DST: variants seen among roughly 807,000 people sequenced by gnomAD.
The protein encoded by DST is dystonin.
DST carries 253 observed loss-of-function variants against 875.2 expected under a neutral mutation model. That is an observed-to-expected ratio of 0.29 (90% CI 0.26 to 0.32). DST has a LOEUF of 0.32. Among genes scored for constraint, DST ranks in the 10% least tolerant of loss-of-function variants. DST has a pLI of 1.00. For synonymous variants in DST, 3,124 were observed against 3,197.1 expected (o/e 0.98, Z 0.77); for missense variants, 8,287 against 9,111.6 (o/e 0.91, Z 3.68).
chr6:56,679,503 C>G (rs1173288474), intron 9 of DST, among the ~76,000 whole-genome samples: 8 of 151,592 alleles, frequency 5.3e-5, no homozygotes, highest in Non-Finnish European at 1.2e-4. Context: ...TGGCTCACAC[C>G]TGTAATCCCA....
chr6:56,773,844 G>A (rs1044910158), intron 4 of DST, among the ~76,000 whole-genome samples: 16 of 152,104 alleles, frequency 1.1e-4, no homozygotes, highest in Admixed American at 1.3e-4. Flanking sequence ...CAGGCTGGGC[G>A]CGGTGGCTCA....
intron 80 of DST, 22 bp from the exon 81 acceptor site, chr6:56,498,075 C>T: frequency 6.3e-7 from 1 of 1,595,644 alleles, no homozygotes; most frequent in Non-Finnish European, 8.6e-7. Context: ...AAGATAACAC[C>T]ATGTTTGCTA....
At chr6:56,474,150 T>A (rs2095047764) in intron 92 of DST, 148 bp from the exon 93 acceptor site, 4 of 685,010 alleles carry the variant, frequency 5.8e-6, no homozygotes, top group Non-Finnish European at 9.3e-6. Flanking sequence ...GTAAAAAAAA[T>A]CTAAACCATC....
At chr6:56,785,567 G>T (rs1016022939) in intron 4 of DST, among the ~76,000 whole-genome samples, 1 of 152,178 alleles carries the variant, frequency 6.6e-6, no homozygotes, top group Non-Finnish European at 1.5e-5. Context: ...CATTGGAAAA[G>T]CGCAGTATTC....
chr6:56,491,784 A>G (rs974623516), intron 85 of DST, among the ~76,000 whole-genome samples: 16 of 152,218 alleles, frequency 1.1e-4, no homozygotes, highest in African/African-American at 3.9e-4. Context: ...CGGGAGGGCT[A>G]CATGTCTGGC....
chr6:56,690,140 G>A (rs1044821626), intron 9 of DST, among the ~76,000 whole-genome samples: 51 of 152,284 alleles, frequency 3.3e-4, no homozygotes, highest in African/African-American at 1.2e-3. Flanking sequence ...CAAGTGGGAT[G>A]TCGTGCCATA....
At chr6:56,683,245 A>G (rs958872865) in intron 9 of DST, among the ~76,000 whole-genome samples, 4 of 152,218 alleles carry the variant, frequency 2.6e-5, no homozygotes, top group African/African-American at 9.6e-5. Flanking sequence ...GAATGTCAAT[A>G]CCAACAACAT....
Position 56,851,401 on chromosome 6 carries a change from T to C in DST, c.621A>G (p.Ile207Met). ...LDPAERAVLR[I>M]ADERDKVQKK... The stretch of plus-strand genomic sequence containing the variant: ...CCCTTCCCCAGATGCTCTTACCTGC[T>C]ATCCGAAGCACTGCCCTCTCGGCAG... The change falls in exon 4 of 104, where the codon ATA becomes ATG. Residue 207 changes from isoleucine (I) to methionine (M), a missense_variant. Ile to Met is a conservative substitution (Grantham distance 10). This residue lies in a region of DST where 1,160 missense variants were observed against 1,424.3 expected (regional missense o/e 0.81). Transcript: ENST00000680361. 6.2e-7 allele frequency: 1 copy of C among 1,612,862 alleles called. No individual in the cohort carries two copies. The highest frequency in any genetic ancestry group is 8.5e-7 in the Non-Finnish European group (1 of 1,179,810).
At chr6:56,637,619 T>G (rs1039720247) in intron 22 of DST, among the ~76,000 whole-genome samples, 1 of 152,190 alleles carries the variant, frequency 6.6e-6, no homozygotes, top group African/African-American at 2.4e-5. Context: ...AATTTTTATT[T>G]TAAAAATGTG....
chr6:56,895,887 C>T (rs1227666201), intron 3 of DST, among the ~76,000 whole-genome samples: 1 of 32,190 alleles, frequency 3.1e-5, no homozygotes, highest in African/African-American at 2.3e-4. Flanking sequence ...CGTGGCGGCG[C>T]GCGCCTGCAA....
intron 5 of DST, among the ~76,000 whole-genome samples, chr6:56,707,831 T>G (rs2099347330): frequency 6.6e-6 from 1 of 152,164 alleles, no homozygotes; most frequent in African/African-American, 2.4e-5. Flanking sequence ...AAAACAGACA[T>G]GTTTAGAGAA....
At chr6:56,686,805 AAGT>A (rs2099190357) in intron 9 of DST, among the ~76,000 whole-genome samples, 2 of 152,234 alleles carry the variant, frequency 1.3e-5, no homozygotes, top group Admixed American at 1.3e-4. Flanking sequence ...GATGATCACA[AAGT>A]ATTTCCTCTT....
intron 12 of DST, among the ~76,000 whole-genome samples, chr6:56,650,130 A>G (rs2098966346): frequency 6.6e-6 from 1 of 152,156 alleles, no homozygotes. Flanking sequence ...AGAAGCAATC[A>G]GAAAAGGGAG....
At chr6:56,820,292 T>A (rs1422327500) in intron 4 of DST, among the ~76,000 whole-genome samples, 1 of 152,258 alleles carries the variant, frequency 6.6e-6, no homozygotes, top group African/African-American at 2.4e-5. Context: ...AGTGTACATG[T>A]TCTGTAAGTG....
intron 4 of DST, among the ~76,000 whole-genome samples, chr6:56,814,545 A>C (rs1395958449): frequency 6.6e-6 from 1 of 152,218 alleles, no homozygotes; most frequent in Non-Finnish European, 1.5e-5. Context: ...AAAACACTTA[A>C]TTTGAGGCAT....
At chr6:56,801,410 A>G (rs1421376796) in intron 4 of DST, among the ~76,000 whole-genome samples, 1 of 152,190 alleles carries the variant, frequency 6.6e-6, no homozygotes, top group Non-Finnish European at 1.5e-5. Flanking sequence ...AGAATATCTA[A>G]TAAGATAATA....
chr6:56,916,980 G>A (rs1801470017), intron 2 of DST, among the ~76,000 whole-genome samples: 2 of 125,552 alleles, frequency 1.6e-5, no homozygotes, highest in African/African-American at 3.3e-5. Flanking sequence ...TCAAGCCCCA[G>A]GCATGCTAAA....
At chr6:56,706,817 A>G (rs1422815522) in intron 5 of DST, among the ~76,000 whole-genome samples, 1 of 152,296 alleles carries the variant, frequency 6.6e-6, no homozygotes, top group African/African-American at 2.4e-5. Flanking sequence ...CCTGGCCAAC[A>G]TGGCAAAACC....
At chr6:56,934,935 A>G (rs1325386108) in intron 2 of DST, among the ~76,000 whole-genome samples, 1 of 152,172 alleles carries the variant, frequency 6.6e-6, no homozygotes, top group Non-Finnish European at 1.5e-5. Context: ...CAACTTAGGT[A>G]AAAAAGAGTT....
Sources: gnomAD v4.1 joint callset for allele counts (sites outside exome capture counted in the v4.1 genomes callset) on GRCh38, gnomAD v4.1.1 for gene constraint, gnomAD v4.1.1 regional missense constraint, MANE v1.5 for transcripts, NCBI Gene and HGNC (gene_info 2026-07-23, HGNC 2026-07-21) for gene names.